PACC1: variants seen among roughly 807,000 people sequenced by gnomAD.
The protein encoded by PACC1 is proton activated chloride channel 1.
In PACC1, 34 loss-of-function variants were observed where a neutral mutation model predicts 39.7. The observed-to-expected ratio is 0.86, with a 90% CI of 0.65 to 1.14. The LOEUF (loss-of-function observed/expected upper bound fraction) is 1.14. Ranked by LOEUF, PACC1 falls within the 50% of genes most tolerant of loss-of-function variation. PACC1 has a pLI of 0.00. For missense variants in PACC1, 379 were observed against 436.4 expected, an observed-to-expected ratio of 0.87 and a Z score of 1.17; for synonymous variants, 127 against 160.6, an observed-to-expected ratio of 0.79 and a Z score of 1.58.
chr1:212,399,631 C>G (rs536936912), intron 2 of PACC1, among the ~76,000 whole-genome samples: 69 of 152,208 alleles, frequency 4.5e-4, no homozygotes, highest in African/African-American at 1.6e-3. Flanking sequence ...CAACCTCCAC[C>G]TCCCAGGCTC....
intron 2 of PACC1, among the ~76,000 whole-genome samples, chr1:212,394,958 C>T (rs1168955578): frequency 2.0e-5 from 3 of 152,168 alleles, no homozygotes; most frequent in Admixed American, 6.5e-5. Flanking sequence ...AATGGAAGAA[C>T]ATTCCATGCT....
In PACC1 at chr1:212,386,974, C is replaced by T. The variant is rs1308456231; in HGVS notation, c.260G>A (p.Arg87Gln). The part of the protein sequence containing the change: ...LMAVAVFLVY[R>Q]TITDFREKLK... ...TTTCTCACGAAAGTCTGTGATGGTC[C>T]GGTAGACCAGGAAGACGGCCACAGC... Residue 87 changes from arginine (R) to glutamine (Q), a missense_variant, in exon 3 of 8, where the codon CGG becomes CAG. Arg to Gln is a conservative substitution (Grantham distance 43). Coordinates refer to ENST00000261455, the MANE Select transcript of PACC1 (RefSeq NM_018252.3). This position sits in a 1 kb window ranked among gnomAD's most constrained non-coding sequence, Gnocchi z 5.0. 1.2e-5 allele frequency: 19 copies of T among 1,613,990 alleles called. No homozygotes were observed. Among genetic ancestry groups the T allele is most frequent in the South Asian group, 3.3e-5 (3 of 91,082 alleles).
In PACC1 at chr1:212,379,962, T is replaced by A; in HGVS notation, c.571A>T (p.Lys191Ter). 1 of 1,614,186 alleles carries A rather than the reference T, an allele frequency of 6.2e-7. No individual in the cohort carries two copies. Among genetic ancestry groups the A allele is most frequent in the Non-Finnish European group, 8.5e-7 (1 of 1,180,016 alleles). ...ELVFLQFRLN[K>*]SSEDFSAIDY... ...ATGGCGCTGAAGTCCTCACTACTCTTGTTCAGGCGGAACTGGAGGAAGACC... is the reference window on the plus strand; with the variant it reads ...ATGGCGCTGAAGTCCTCACTACTCTAGTTCAGGCGGAACTGGAGGAAGACC... The change falls in exon 5 of 8, where the codon AAG becomes TAG. Residue 191 changes from lysine to a stop codon, truncating the protein, a stop_gained. Transcript: ENST00000261455. LOFTEE classifies it high-confidence loss of function.
chr1:212,379,836 C>A, intron 5 of PACC1, 59 bp downstream of exon 5: 1 of 1,603,926 alleles, frequency 6.2e-7, no homozygotes, highest in East Asian at 2.2e-5. Context: ...TTGGGACATA[C>A]ACAGCTGGAA....
chr1:212,392,402 A>G (rs372547370), intron 2 of PACC1, among the ~76,000 whole-genome samples: 2 of 152,182 alleles, frequency 1.3e-5, no homozygotes, highest in African/African-American at 4.8e-5. Flanking sequence ...GAGAGATTTT[A>G]TCACCACCAG....
At chr1:212,409,192 A>G (rs762433054) in intron 2 of PACC1, among the ~76,000 whole-genome samples, 15 of 152,208 alleles carry the variant, frequency 9.9e-5, no homozygotes, top group Non-Finnish European at 1.9e-4. Context: ...CTGGTGCCAA[A>G]AAGTTGGGGA....
chr1:212,414,846 G>T lies in PACC1; in HGVS notation c.-89C>A. 1 of 1,551,924 alleles carries T rather than the reference G, an allele frequency of 6.4e-7. No homozygotes were observed. The highest frequency in any genetic ancestry group is 8.8e-7 in the Non-Finnish European group (1 of 1,132,938). ...TGCGGCCGCTGCACCTGGACCTACCGGCTCCGCGAGGCGAAACCGGTCCGG... is the reference window on the plus strand; with the variant it reads ...TGCGGCCGCTGCACCTGGACCTACCTGCTCCGCGAGGCGAAACCGGTCCGG... On this transcript the variant is annotated 5_prime_UTR_variant, in exon 1 of 8. Transcript: ENST00000261455.
rs1204207254 is a variant in PACC1 at position 212,386,923 on chromosome 1, GAC to G, written c.309_310del (p.Ser104LeufsTer8). 3.1e-6 allele frequency: 5 copies of G among 1,614,180 alleles called. No individual in the cohort carries two copies. In the South Asian group the frequency reaches 3.3e-5, roughly 11 times the overall value. Reference sequence around the variant, plus strand: ...ATCATAGCGATCCACTTCCTTGTAAGACACAGACATGACAGGGTGCTTGAGTT... The same window carrying G: ...ATCATAGCGATCCACTTCCTTGTAAGACAGACATGACAGGGTGCTTGAGTT... On this transcript the variant is annotated frameshift_variant, in exon 3 of 8. Coordinates refer to ENST00000261455, the MANE Select transcript of PACC1 (RefSeq NM_018252.3). LOFTEE classifies it high-confidence loss of function. This position sits in a 1 kb window ranked among gnomAD's most constrained non-coding sequence, Gnocchi z 5.0.
At chr1:212,384,724 C>T (rs905722827) in intron 4 of PACC1, among the ~76,000 whole-genome samples, 1 of 152,192 alleles carries the variant, frequency 6.6e-6, no homozygotes, top group African/African-American at 2.4e-5. Context: ...GCTCCTAACC[C>T]CATCCCTCAG....
rs570379933 is a variant in PACC1 at position 212,365,430 on chromosome 1, T to C, written c.892-54A>G. 86 of 204,030 alleles carry C rather than the reference T, an allele frequency of 4.2e-4. No individual in the cohort carries two copies. In the South Asian group the frequency reaches 0.01, roughly 25 times the overall value. The allele number at this position is 204,030 out of a possible 1,614,324, so 12.6% of individuals were successfully genotyped here. ...TACTGGTTTGCTTCAGTCTTGATTC[T>C]TTTTTTTTTTTTTTTTTTGAGATGG... On this transcript the variant is annotated intron_variant, in intron 7 of 7. Transcript: ENST00000261455.
At chr1:212,375,972 A>C (rs1261584890) in intron 6 of PACC1, among the ~76,000 whole-genome samples, 4 of 152,246 alleles carry the variant, frequency 2.6e-5, no homozygotes, top group Non-Finnish European at 5.9e-5. Context: ...CAAATTTCAA[A>C]GTACTTGGTT....
chr1:212,401,864 G>A (rs1019080368), intron 2 of PACC1, among the ~76,000 whole-genome samples: 4 of 151,778 alleles, frequency 2.6e-5, no homozygotes, highest in Non-Finnish European at 5.9e-5. Flanking sequence ...TGTTAGAGAC[G>A]GGGTTGCACC....
At chr1:212,379,821 T>C in intron 5 of PACC1, 74 bp downstream of exon 5, 1 of 1,582,326 alleles carries the variant, frequency 6.3e-7, no homozygotes, top group Middle Eastern at 1.7e-4. Flanking sequence ...CCTCCGTCTC[T>C]AGCCTTGGGA....
At chr1:212,399,480 G>A (rs1007801200) in intron 2 of PACC1, among the ~76,000 whole-genome samples, 3 of 149,874 alleles carry the variant, frequency 2.0e-5, no homozygotes, top group African/African-American at 7.4e-5. Context: ...TTTTTTTTAA[G>A]AGACACGGTC....
intron 1 of PACC1, 121 bp downstream of exon 1, chr1:212,414,600 TC>T: frequency 8.0e-7 from 1 of 1,249,506 alleles, no homozygotes; most frequent in Non-Finnish European, 1.1e-6. Context: ...GACGCACCCG[TC>T]GGTCCCTCGG....
rs1662075268 is a variant in PACC1, at chr1:212,410,307, T to G, written c.133+118A>C. The G allele has an allele frequency of 3.4e-6, 3 of 874,068 alleles. No individual in the cohort carries two copies. The East Asian group carries it at 7.3e-5, about 21-fold the overall frequency. The allele number at this position is 874,068 out of a possible 1,614,324, so 54.1% of individuals were successfully genotyped here. On this transcript the variant is annotated intron_variant, in intron 2 of 7. Transcript: ENST00000261455. ...TATGGCTTTAAAACTAGGGCAATAC[T>G]TGAGACCTGACACCAGGGTGCAGGG...
At chr1:212,413,154 T>G (rs1394551980) in intron 1 of PACC1, among the ~76,000 whole-genome samples, 1 of 152,158 alleles carries the variant, frequency 6.6e-6, no homozygotes, top group Non-Finnish European at 1.5e-5. Context: ...CAGCACTGGT[T>G]AAAATCCCTC....
intron 4 of PACC1, among the ~76,000 whole-genome samples, chr1:212,382,855 A>G (rs898235174): frequency 1.3e-5 from 2 of 152,232 alleles, no homozygotes; most frequent in Non-Finnish European, 2.9e-5. Context: ...CCAGGGGACG[A>G]GGCCAGAGCA....
chr1:212,365,277 T>A lies in PACC1; in HGVS notation c.991A>T (p.Met331Leu). 6.2e-7 allele frequency: 1 copy of A among 1,613,948 alleles called. No individual in the cohort carries two copies. Among genetic ancestry groups the A allele is most frequent in the South Asian group, 1.1e-5 (1 of 91,064 alleles). ...AGGTATCTCTTTCTAATTTTGATCA[T>A]CCATTTTATACTCAGTTTGGCAAAC... ...AEFAKLSIKW[M>L]IKIRKRYLKR... The change falls in exon 8 of 8, where the codon ATG becomes TTG. Residue 331 changes from methionine to leucine, a missense_variant. Transcript: ENST00000261455.
Sources: gnomAD v4.1 joint callset for allele counts (sites outside exome capture counted in the v4.1 genomes callset) on GRCh38, gnomAD v4.1.1 for gene constraint, Gnocchi (gnomAD v3.1) non-coding constraint, MANE v1.5 for transcripts, NCBI Gene and HGNC (gene_info 2026-07-23, HGNC 2026-07-21) for gene names.